Variants in GRID1 observed in about 807,000 individuals in gnomAD.
GRID1 encodes glutamate receptor ionotropic, delta-1.
GRID1 carries 28 observed loss-of-function variants against 98.0 expected under a neutral mutation model. The ratio of observed to expected loss-of-function variants is 0.29; its 90% CI spans 0.21 to 0.39. The LOEUF (loss-of-function observed/expected upper bound fraction) is 0.39. Ranked by LOEUF, GRID1 falls within the 10% of genes least tolerant of loss-of-function variation. GRID1 has a pLI of 1.00. For synonymous variants in GRID1, 553 were observed against 538.5 expected (o/e 1.03, Z -0.37); for missense variants, 1,111 against 1,340.5 (o/e 0.83, Z 2.67).
intron 4 of GRID1, among the ~76,000 whole-genome samples, chr10:86,026,794 T>C (rs1253037003): frequency 6.6e-6 from 1 of 152,206 alleles, no homozygotes; most frequent in Non-Finnish European, 1.5e-5. Context: ...CTGGTGCTTA[T>C]GGTGGCAGGT....
At chr10:86,023,226 C>T (rs77620768) in intron 4 of GRID1, among the ~76,000 whole-genome samples, 3,221 of 152,204 alleles carry the variant, frequency 0.021, 57 homozygotes, top group African/African-American at 0.046. Flanking sequence ...TGACCTAGTC[C>T]GAAGGTGAAA....
chr10:85,857,250 C>T lies in GRID1; in HGVS notation c.952-1060G>A, dbSNP rs73338599. ...AGCTCAGTGGTAGAGGAGACACATC[C>T]CTGTCTCAGTGCTCTGGAGGGCAAG... On this transcript the variant is annotated intron_variant, in intron 6 of 15. Transcript: ENST00000327946. Among the ~76,000 whole-genome samples, 786 of 152,282 alleles carry T rather than the reference C, an allele frequency of 5.2e-3. 5 individuals carry two copies. The highest frequency in any genetic ancestry group is 0.018 in the African/African-American group (740 of 41,556).
intron 8 of GRID1, among the ~76,000 whole-genome samples, chr10:85,790,099 T>A (rs1013989499): frequency 6.6e-6 from 1 of 152,184 alleles, no homozygotes; most frequent in Non-Finnish European, 1.5e-5. Context: ...CTGGGACCAC[T>A]GCTGCATGTT....
At chr10:86,182,433 C>T (rs371031732) in intron 3 of GRID1, among the ~76,000 whole-genome samples, 3 of 152,220 alleles carry the variant, frequency 2.0e-5, no homozygotes, top group South Asian at 2.1e-4. Flanking sequence ...AGCACGGCAG[C>T]CTGGTGTCTC....
At chr10:86,261,687 A>G (rs1016186914) in intron 2 of GRID1, among the ~76,000 whole-genome samples, 3 of 152,162 alleles carry the variant, frequency 2.0e-5, no homozygotes, top group African/African-American at 7.2e-5. Flanking sequence ...GAGGCAACCC[A>G]CCATCCCAAA....
intron 2 of GRID1, among the ~76,000 whole-genome samples, chr10:86,353,433 C>T (rs1318352589): frequency 1.3e-5 from 2 of 152,250 alleles, no homozygotes; most frequent in African/African-American, 4.8e-5. Context: ...TGTACATACA[C>T]ATCTGCTCAG....
chr10:86,327,777 G>C (rs569514201), intron 2 of GRID1, among the ~76,000 whole-genome samples: 1 of 152,182 alleles, frequency 6.6e-6, no homozygotes, highest in Non-Finnish European at 1.5e-5. Flanking sequence ...TCAAGTGTTG[G>C]CAAGAATGTG....
rs529234737 is a variant in GRID1, at chr10:85,632,006, C to T, written c.2194-11973G>A. Among the ~76,000 whole-genome samples the T allele has an allele frequency of 2.8e-5, 4 of 144,170 alleles. No individual in the cohort carries two copies. In the South Asian group the frequency reaches 8.4e-4, roughly 30 times the overall value. 94.6% of individuals were successfully genotyped at this position (144,170 alleles called of 152,430 possible). A position where few individuals can be genotyped will look rare whatever the true frequency, so the allele number is the denominator to read the frequency against. On this transcript the variant is annotated intron_variant, in intron 13 of 15. Coordinates refer to ENST00000327946, the MANE Select transcript of GRID1 (RefSeq NM_017551.3). ...ATATGCACACACACACACACACACA[C>T]ACACACACAAGAATGTAAGCTTGAC...
intron 4 of GRID1, among the ~76,000 whole-genome samples, chr10:85,990,052 A>T (rs972262867): frequency 2.0e-5 from 3 of 152,196 alleles, no homozygotes; most frequent in African/African-American, 7.2e-5. Context: ...TGGATCTAGG[A>T]CCAGTCTCCA....
chr10:86,254,499 T>A (rs566147934), intron 2 of GRID1, among the ~76,000 whole-genome samples: 1 of 152,236 alleles, frequency 6.6e-6, no homozygotes. Context: ...AGGTGACGGA[T>A]GCACATAAAA....
At chr10:86,161,595 T>C (rs1270047843) in intron 3 of GRID1, among the ~76,000 whole-genome samples, 2 of 152,140 alleles carry the variant, frequency 1.3e-5, no homozygotes, top group African/African-American at 4.8e-5. Flanking sequence ...AGGGTCTCTG[T>C]AGGCCATGAG....
chr10:85,858,943 G>C (rs1333588913), intron 6 of GRID1, among the ~76,000 whole-genome samples: 1 of 152,168 alleles, frequency 6.6e-6, no homozygotes, highest in Non-Finnish European at 1.5e-5. Context: ...CTTGAACAAA[G>C]AGGAAAAAGC....
At chr10:86,333,745 G>C (rs1196692954) in intron 2 of GRID1, among the ~76,000 whole-genome samples, 1 of 152,152 alleles carries the variant, frequency 6.6e-6, no homozygotes, top group East Asian at 1.9e-4. Context: ...ATAAGGAAGA[G>C]GGAAAGTATA....
chr10:85,760,817 G>A (rs936186261), intron 8 of GRID1, among the ~76,000 whole-genome samples: 2 of 152,050 alleles, frequency 1.3e-5, no homozygotes, highest in Non-Finnish European at 2.9e-5. Context: ...GCAATTTGAG[G>A]TTCCCTGGCT....
chr10:85,723,242 C>A, intron 11 of GRID1, 101 bp from the exon 12 acceptor site: 7 of 1,161,756 alleles, frequency 6.0e-6, no homozygotes, highest in South Asian at 3.8e-5. Context: ...GGCCATCACT[C>A]GTGATGGGCT....
In GRID1 at chr10:86,243,825, C is replaced by T. The variant is rs182294671; in HGVS notation, c.236-37177G>A. The stretch of plus-strand genomic sequence containing the variant: ...TTCACCCGCAGCCCCCAGCACAAGG[C>T]GGGCAGATGTCACGGCCGAGCAGGG... On this transcript the variant is annotated intron_variant, in intron 2 of 15. Transcript: ENST00000327946. Among the ~76,000 whole-genome samples, 477 of 152,300 alleles carry T rather than the reference C, an allele frequency of 3.1e-3. 2 individuals are homozygous for T. The highest frequency in any genetic ancestry group is 5.7e-3 in the Non-Finnish European group (391 of 68,026).
intron 4 of GRID1, among the ~76,000 whole-genome samples, chr10:85,926,536 C>T (rs912029545): frequency 2.6e-5 from 4 of 152,110 alleles, no homozygotes; most frequent in Non-Finnish European, 4.4e-5. Flanking sequence ...GGGGACCTCA[C>T]AGTAAGCCAG....
At chr10:86,308,169 G>A (rs1847784868) in intron 2 of GRID1, among the ~76,000 whole-genome samples, 1 of 152,026 alleles carries the variant, frequency 6.6e-6, no homozygotes, top group South Asian at 2.1e-4. Flanking sequence ...CATCTTGACT[G>A]TGCCACCCTA....
At chr10:86,140,484 T>C (rs983211752) in intron 3 of GRID1, among the ~76,000 whole-genome samples, 16 of 152,244 alleles carry the variant, frequency 1.1e-4, no homozygotes, top group African/African-American at 3.9e-4. Context: ...CCAGGCTCCC[T>C]GTTGTGCCAA....
Sources: gnomAD v4.1 joint callset for allele counts (sites outside exome capture counted in the v4.1 genomes callset) on GRCh38, gnomAD v4.1.1 for gene constraint, MANE v1.5 for transcripts, NCBI Gene and HGNC (gene_info 2026-07-23, HGNC 2026-07-21) for gene names.